PCBP3: variants seen among roughly 807,000 people sequenced by gnomAD.
PCBP3 encodes the protein poly(rC) binding protein 3.
Under a neutral mutation model 52.7 loss-of-function variants are expected in PCBP3, and 25 were observed. The ratio of observed to expected loss-of-function variants is 0.47; its 90% confidence interval spans 0.35 to 0.66. The LOEUF (loss-of-function observed/expected upper bound fraction) is 0.66, where lower values mean the gene tolerates loss of function less well. PCBP3 is among the 30% of genes least tolerant of loss of function. PCBP3 has a pLI of 0.01. For synonymous variants in PCBP3, 162 were observed against 183.0 expected (o/e 0.89, Z 0.93); for missense variants, 391 against 490.3 (o/e 0.80, Z 1.91).
rs144033196 is a variant in PCBP3 at position 45,814,122 on chromosome 21, G to A, written c.-125-35839G>A. ...ACTGTGCTGAATACTGTACGCAGTTGTGACACAGTGGCAATTGTGTGTTTA... is the reference window on the plus strand; with the variant it reads ...ACTGTGCTGAATACTGTACGCAGTTATGACACAGTGGCAATTGTGTGTTTA... On this transcript the variant is annotated intron_variant, in intron 4 of 17. Coordinates refer to ENST00000681687, the MANE Select transcript of PCBP3 (RefSeq NM_001384156.1). Among the ~76,000 whole-genome samples, 326 of 152,366 alleles carry A rather than the reference G, an allele frequency of 2.1e-3. 3 individuals carry two copies. Among genetic ancestry groups the A allele is most frequent in the African/African-American group, 7.6e-3 (316 of 41,580 alleles).
intron 2 of PCBP3, among the ~76,000 whole-genome samples, chr21:45,684,165 C>CCATAGATCAT (rs2082020178): frequency 6.6e-6 from 1 of 151,952 alleles, no homozygotes; most frequent in Non-Finnish European, 1.5e-5. Context: ...AAGTTCAAGG[C>CCATAGATCAT]AGCCATGAGC....
rs2091338026 is a variant in PCBP3 at position 45,788,869 on chromosome 21, A to C, written c.-126+33417A>C. The C allele has an allele frequency of 6.6e-6, 1 of 152,240 alleles. No homozygotes were observed. Among genetic ancestry groups the C allele is most frequent in the African/African-American group, 2.4e-5 (1 of 41,466 alleles). The allele number at this position is 152,240 out of a possible 1,614,324, so 9.4% of individuals were successfully genotyped here. Reference sequence around the variant, plus strand: ...CACCAGTCACAGGGCAGTTCTCCTCAGGTTAGAAACACAGTGGAGCTAATG... The same window carrying C: ...CACCAGTCACAGGGCAGTTCTCCTCCGGTTAGAAACACAGTGGAGCTAATG... On this transcript the variant is annotated intron_variant, in intron 4 of 17. Transcript: ENST00000681687. The surrounding 1 kb of genome is among the most constrained non-coding windows in gnomAD (Gnocchi z 4.3).
chr21:45,686,760 A>G (rs1225694997), intron 2 of PCBP3, among the ~76,000 whole-genome samples: 1 of 152,224 alleles, frequency 6.6e-6, no homozygotes, highest in East Asian at 1.9e-4. Flanking sequence ...ATCAGAAATG[A>G]AAACTTTAAT....
chr21:45,656,874 T>C lies in PCBP3; in HGVS notation c.-278-12000T>C, dbSNP rs1055827780. On this transcript the variant is annotated intron_variant, in intron 1 of 17. Transcript: ENST00000681687. The surrounding 1 kb of genome is among the most constrained non-coding windows in gnomAD (Gnocchi z 4.3). ...TTTTGCTCTGTCGCCTAGGCTAGAG[T>C]GCAGTGGCGCAACCTCGGCTCACTG... Among the ~76,000 whole-genome samples, 1 of 152,146 alleles carries C rather than the reference T, an allele frequency of 6.6e-6. No homozygotes were observed. Among genetic ancestry groups the C allele is most frequent in the African/African-American group, 2.4e-5 (1 of 41,432 alleles).
intron 3 of PCBP3, among the ~76,000 whole-genome samples, chr21:45,739,800 A>C (rs749473514): frequency 1.9e-4 from 29 of 151,802 alleles, no homozygotes; most frequent in Admixed American, 7.2e-4. Context: ...TGGCCTCCCC[A>C]TCTTCATCAG....
chr21:45,685,448 C>G (rs1333698591), intron 2 of PCBP3, among the ~76,000 whole-genome samples: 1 of 152,030 alleles, frequency 6.6e-6, no homozygotes, highest in East Asian at 1.9e-4. Flanking sequence ...ATAAGAAATA[C>G]AAAAAGGAAG....
Position 45,848,678 on chromosome 21 carries a change from C to T in PCBP3, c.-125-1283C>T, listed in dbSNP as rs894320131. 2.0e-5 allele frequency among the ~76,000 whole-genome samples: 3 copies of T among 152,280 alleles called. No homozygotes were observed. The South Asian group carries it at 6.2e-4, about 32-fold the overall frequency. ...CTCATTTCACAGTTTTTTGTTTTAA[C>T]TGTACATTTGTGTTCCTGGTGTTTT... On this transcript the variant is annotated intron_variant, in intron 4 of 17. Coordinates refer to ENST00000681687, the MANE Select transcript of PCBP3 (RefSeq NM_001384156.1).
Position 45,891,820 on chromosome 21 carries a change from C to T in PCBP3, c.11-4388C>T, listed in dbSNP as rs79537907. Among the ~76,000 whole-genome samples the T allele has an allele frequency of 2.5e-3, 381 of 152,344 alleles. 3 individuals carry two copies. Among genetic ancestry groups the T allele is most frequent in the African/African-American group, 8.7e-3 (361 of 41,566 alleles). On this transcript the variant is annotated intron_variant, in intron 5 of 17. Coordinates refer to ENST00000681687, the MANE Select transcript of PCBP3 (RefSeq NM_001384156.1). The stretch of plus-strand genomic sequence containing the variant: ...TCAGAGCTCTCTCTGAGCGCCTCCT[C>T]CCCTGGCCCGGCCCCTTCTCCTGCA...
At chr21:45,766,833 G>T (rs1431617474) in intron 4 of PCBP3, among the ~76,000 whole-genome samples, 2 of 152,130 alleles carry the variant, frequency 1.3e-5, no homozygotes, top group Non-Finnish European at 1.5e-5. Context: ...GTTAACTTGT[G>T]CATTATTTAG....
chr21:45,843,347 T>C (rs1255922564), intron 4 of PCBP3, among the ~76,000 whole-genome samples: 1 of 152,250 alleles, frequency 6.6e-6, no homozygotes, highest in Non-Finnish European at 1.5e-5. Context: ...GTATATTATT[T>C]AGACTTTAAG....
intron 2 of PCBP3, among the ~76,000 whole-genome samples, chr21:45,669,839 A>G (rs1036387140): frequency 8.1e-5 from 10 of 123,916 alleles, no homozygotes; most frequent in African/African-American, 2.3e-4. Flanking sequence ...ATATATATAT[A>G]TATATATCAC....
chr21:45,938,795 C>T (rs961547876), intron 16 of PCBP3, among the ~76,000 whole-genome samples: 22 of 152,182 alleles, frequency 1.4e-4, no homozygotes, highest in African/African-American at 5.3e-4. Flanking sequence ...GCTGTCATTT[C>T]CTTGTAACCA....
chr21:45,929,777 C>T (rs942484388), intron 13 of PCBP3, 140 bp from the exon 14 acceptor site: 8 of 676,654 alleles, frequency 1.2e-5, no homozygotes, highest in African/African-American at 3.6e-5. Flanking sequence ...CAAGTCCTTG[C>T]GTTCTCTTGC....
At chr21:45,860,875 G>A (rs1438196142) in intron 5 of PCBP3, among the ~76,000 whole-genome samples, 1 of 152,184 alleles carries the variant, frequency 6.6e-6, no homozygotes, top group Non-Finnish European at 1.5e-5. Context: ...AGCGACCCCC[G>A]TGGAGGTGCA....
chr21:45,842,534 C>T (rs755522975), intron 4 of PCBP3, among the ~76,000 whole-genome samples: 2 of 152,190 alleles, frequency 1.3e-5, no homozygotes, highest in Non-Finnish European at 2.9e-5. Context: ...TCTCTGTTAT[C>T]TCAGTGTTGG....
chr21:45,803,610 C>T (rs1459921097), intron 4 of PCBP3, among the ~76,000 whole-genome samples: 1 of 152,212 alleles, frequency 6.6e-6, no homozygotes. Context: ...AAACAGGACA[C>T]TGAGGGCAGG....
intron 2 of PCBP3, among the ~76,000 whole-genome samples, chr21:45,693,299 A>G (rs1428183323): frequency 2.6e-5 from 4 of 152,192 alleles, no homozygotes; most frequent in African/African-American, 4.8e-5. Flanking sequence ...GTGAATCTCA[A>G]AATTATTATG....
chr21:45,746,141 A>C, intron 3 of PCBP3, among the ~76,000 whole-genome samples: 1 of 125,642 alleles, frequency 8.0e-6, no homozygotes, highest in Non-Finnish European at 1.6e-5. Flanking sequence ...GTGTTGTGTC[A>C]GCATCGCTGT....
chr21:45,809,659 T>A (rs574054825), intron 4 of PCBP3, among the ~76,000 whole-genome samples: 2 of 152,348 alleles, frequency 1.3e-5, no homozygotes, highest in South Asian at 4.1e-4. Flanking sequence ...CAGCAGCTGC[T>A]AAGTGCGGCA....
Sources: allele counts gnomAD v4.1 joint callset (sites outside exome capture counted in the v4.1 genomes callset), GRCh38; gene constraint gnomAD v4.1.1; non-coding constraint Gnocchi (gnomAD v3.1); transcripts MANE v1.5; gene names NCBI Gene and HGNC (gene_info 2026-07-23, HGNC 2026-07-21).